The following PABPC3 variants were observed in gnomAD, a reference collection of about 807,000 sequenced individuals.
PABPC3 encodes the protein polyadenylate-binding protein 3.
In PABPC3, 43 loss-of-function variants were observed where a neutral mutation model predicts 43.0. The ratio of observed to expected loss-of-function variants is 1.00; its 90% CI spans 0.78 to 1.29. The LOEUF (loss-of-function observed/expected upper bound fraction) is 1.29, where lower values mean the gene tolerates loss of function less well. PABPC3 is among the 50% of genes most tolerant of loss of function. PABPC3 has a pLI of 0.00. For synonymous variants in PABPC3, 221 were observed against 274.6 expected (o/e 0.80, Z 1.93); for missense variants, 784 against 798.1 (o/e 0.98, Z 0.21).
the PABPC3 span, chr13:25,096,976 C>T: frequency 6.2e-7 from 1 of 1,614,264 alleles, no homozygotes. Flanking sequence ...CAATGGAAAA[C>T]AAATTTACGT....
At position 25,098,415 on chromosome 13, in the gene PABPC3, A is replaced by C. The variant is rs1956060925; in HGVS notation, c.*321A>C. 4.0e-6 allele frequency: 1 copy of C among 251,316 alleles called. No homozygotes were observed. Among genetic ancestry groups the C allele is most frequent in the East Asian group, 1.1e-4 (1 of 8,874 alleles). The allele number at this position is 251,316 out of a possible 1,614,324, so 15.6% of individuals were successfully genotyped here. A position where few individuals can be genotyped will look rare whatever the true frequency, so the allele number is the denominator to read the frequency against. On this transcript the variant is annotated 3_prime_UTR_variant, in exon 1 of 1. Transcript: ENST00000281589. ...AAAAGAATTTTCAGCAAAGTACAAA[A>C]ATTTAAAGCATTCCTTTAATTTTTT...
At position 25,096,383 on chromosome 13, in the gene PABPC3, C is replaced by G. The variant is rs374246080; in HGVS notation, c.185C>G (p.Thr62Arg). Residue 62 changes from threonine to arginine, a missense_variant, in exon 1 of 1, where the codon ACG (threonine) becomes AGG (arginine). Thr to Arg is a moderately conservative substitution (Grantham distance 71). Coordinates refer to ENST00000281589, the MANE Select transcript of PABPC3 (RefSeq NM_030979.3). ...SNYAYVNFQH[T>R]KDAEHALDTM... ...TACGCGTATGTGAACTTCCAGCATA[C>G]GAAGGACGCGGAGCATGCTCTGGAC... The G allele has an allele frequency of 2.4e-5, 39 of 1,614,056 alleles. No homozygotes were observed. The highest frequency in any genetic ancestry group is 4.0e-5 in the African/African-American group (3 of 74,914).
Position 25,096,242 on chromosome 13 carries a change from T to G in PABPC3, c.44T>G (p.Val15Gly). The G allele has an allele frequency of 6.2e-7, 1 of 1,614,106 alleles. No individual in the cohort carries two copies. Among genetic ancestry groups the G allele is most frequent in the Non-Finnish European group, 8.5e-7 (1 of 1,180,014 alleles). ...TPSYPTASLYVGDLHPDVTEA... is the reference protein window; with the variant it reads ...TPSYPTASLYGGDLHPDVTEA... ...AGCTACCCAACGGCCTCGCTCTACG[T>G]GGGGGACCTCCACCCCGACGTGACT... The change falls in exon 1 of 1, where the codon GTG becomes GGG. Residue 15 changes from valine (V) to glycine (G), a missense_variant. By Grantham distance (109) the Val-to-Gly change is moderately radical (BLOSUM62 -3). Coordinates refer to ENST00000281589, the MANE Select transcript of PABPC3 (RefSeq NM_030979.3).
rs76861216 is a variant in PABPC3, at chr13:25,096,781, A to C, written c.583A>C (p.Ile195Leu). 4.5e-5 allele frequency: 70 copies of C among 1,562,360 alleles called. No homozygotes were observed. Among genetic ancestry groups the C allele is most frequent in the Non-Finnish European group, 5.9e-5 (67 of 1,137,694 alleles). ...ARAKEFPNVY[I>L]KNFGEDMDDE... ...GGCAAAAGAGTTCCCCAATGTTTAC[A>C]TCAAGAATTTTGGAGAAGACATGGA... Residue 195 changes from isoleucine (I) to leucine (L), a missense_variant, in exon 1 of 1, where the codon ATC becomes CTC. Transcript: ENST00000281589.
the PABPC3 span, chr13:25,097,303 C>T: frequency 6.2e-7 from 1 of 1,614,154 alleles, no homozygotes; most frequent in Non-Finnish European, 8.5e-7. Context: ...AGCTTTAGCT[C>T]AGCGCAAAGA....
chr13:25,096,137 C>A lies in PABPC3; in HGVS notation c.-62C>A. On this transcript the variant is annotated 5_prime_UTR_variant, in exon 1 of 1. Coordinates refer to ENST00000281589, the MANE Select transcript of PABPC3 (RefSeq NM_030979.3). ...TCCGGCTACGCCCCCGGCCCCGGCA[C>A]GCGCTCTACTCCTGTAACGGAAAGG... The A allele has an allele frequency of 9.9e-6, 15 of 1,516,384 alleles. No individual in the cohort carries two copies. Among genetic ancestry groups the A allele is most frequent in the East Asian group, 2.3e-5 (1 of 44,054 alleles). The allele number at this position is 1,516,384 out of a possible 1,614,324, so 93.9% of individuals were successfully genotyped here.
chr13:25,096,669 A>G lies in PABPC3; in HGVS notation c.471A>G (p.Lys157=). 1 of 1,614,302 alleles carries G rather than the reference A, an allele frequency of 6.2e-7. No individual in the cohort carries two copies. The highest frequency in any genetic ancestry group is 8.5e-7 in the Non-Finnish European group (1 of 1,180,048). Residue 157 remains lysine, a synonymous_variant, in exon 1 of 1, where the codon AAA becomes AAG. Transcript: ENST00000281589. ...THEAAERAIK[K]MNGMLLNGRK... Reference sequence around the variant, plus strand: ...AAGCAGCTGAAAGAGCTATTAAAAAAATGAACGGAATGCTCCTAAATGGTC... The same window carrying G: ...AAGCAGCTGAAAGAGCTATTAAAAAGATGAACGGAATGCTCCTAAATGGTC...
In PABPC3 at chr13:25,097,628, C is replaced by T. The variant is rs141182228; in HGVS notation, c.1430C>T (p.Ala477Val). 6.2e-6 allele frequency: 10 copies of T among 1,613,936 alleles called. No individual in the cohort carries two copies. The African/African-American group carries it at 1.2e-4, about 19-fold the overall frequency. Residue 477 changes from alanine to valine, a missense_variant, in exon 1 of 1, where the codon GCT becomes GTT. By Grantham distance (64) the Ala-to-Val change is moderately conservative. Coordinates refer to ENST00000281589, the MANE Select transcript of PABPC3 (RefSeq NM_030979.3). Reference protein sequence around the residue: ...VPRVMSTQRVANTSTQTVGPR... With the variant: ...VPRVMSTQRVVNTSTQTVGPR... ...CGAGTCATGTCAACGCAGCGTGTTG[C>T]TAACACATCAACACAGACAGTGGGT... is the stretch of plus-strand genomic sequence containing the variant.
In PABPC3 at chr13:25,097,888, C is replaced by G; in HGVS notation, c.1690C>G (p.Leu564Val). 5 of 1,572,088 alleles carry G rather than the reference C, an allele frequency of 3.2e-6. No homozygotes were observed. The highest frequency in any genetic ancestry group is 2.3e-5 in the East Asian group (1 of 42,786). Reference sequence around the variant, plus strand: ...AATGTTAGGTGAACGGCTCTTTCCTCTTATTCAAGCCATGCACCCTACTCT... The same window carrying G: ...AATGTTAGGTGAACGGCTCTTTCCTGTTATTCAAGCCATGCACCCTACTCT... The part of the protein sequence containing the change: ...KQMLGERLFP[L>V]IQAMHPTLAG... The change falls in exon 1 of 1, where the codon CTT becomes GTT. Residue 564 changes from leucine (L) to valine (V), a missense_variant. By Grantham distance (32) the Leu-to-Val change is conservative (BLOSUM62 1). Transcript: ENST00000281589.
At position 25,097,795 on chromosome 13, in the gene PABPC3, C is replaced by G; in HGVS notation, c.1597C>G (p.His533Asp). The G allele has an allele frequency of 1.2e-6, 2 of 1,614,122 alleles. No individual in the cohort carries two copies. The highest frequency in any genetic ancestry group is 1.7e-6 in the Non-Finnish European group (2 of 1,179,980). Residue 533 changes from histidine to aspartate, a missense_variant, in exon 1 of 1, where the codon CAT becomes GAT. Transcript: ENST00000281589. ...AGTTACAATGCAACAGCTTGCTGTT[C>G]ATGTACAAGGTCAGGAAACTTTGAC... is the stretch of plus-strand genomic sequence containing the variant. ...PQVTMQQLAV[H>D]VQGQETLTAS...
chr13:25,096,469 C>T lies in PABPC3; in HGVS notation c.271C>T (p.Pro91Ser). 1 of 1,614,150 alleles carries T rather than the reference C, an allele frequency of 6.2e-7. No homozygotes were observed. Among genetic ancestry groups the T allele is most frequent in the Non-Finnish European group, 8.5e-7 (1 of 1,180,032 alleles). The change falls in exon 1 of 1, where the codon CCA (proline) becomes TCA (serine). Residue 91 changes from proline (P) to serine (S), a missense_variant. Pro to Ser is a moderately conservative substitution (Grantham distance 74). Transcript: ENST00000281589. ...ACGCATCATGTGGTCTCAGCGTGAT[C>T]CATCACTTCGAAAAAGTGGAGTGGG... ...PVRIMWSQRDPSLRKSGVGNI... is the reference protein window; with the variant it reads ...PVRIMWSQRDSSLRKSGVGNI...
chr13:25,096,913 G>A lies in PABPC3; in HGVS notation c.715G>A (p.Glu239Lys), dbSNP rs1471866794. 1.9e-6 allele frequency: 3 copies of A among 1,614,268 alleles called. No individual in the cohort carries two copies. The Admixed American group carries it at 5.0e-5, about 27-fold the overall frequency. ...KSKGFGFVSFERHEDAQKAVD... is the reference protein window; with the variant it reads ...KSKGFGFVSFKRHEDAQKAVD... ...CAAAGGATTTGGATTTGTAAGCTTT[G>A]AAAGGCATGAAGATGCACAGAAAGC... Residue 239 changes from glutamate (E) to lysine (K), a missense_variant, in exon 1 of 1, where the codon GAA becomes AAA. Coordinates refer to ENST00000281589, the MANE Select transcript of PABPC3 (RefSeq NM_030979.3).
chr13:25,096,156 G>T lies in PABPC3; in HGVS notation c.-43G>T, dbSNP rs372858375. On this transcript the variant is annotated 5_prime_UTR_variant, in exon 1 of 1. Coordinates refer to ENST00000281589, the MANE Select transcript of PABPC3 (RefSeq NM_030979.3). ...CCGGCACGCGCTCTACTCCTGTAAC[G>T]GAAAGGTCGCGGCTTGTGTGCCTGC... 5.7e-6 allele frequency: 9 copies of T among 1,578,658 alleles called. No individual in the cohort carries two copies. The highest frequency in any genetic ancestry group is 2.3e-5 in the South Asian group (2 of 85,658).
At position 25,097,564 on chromosome 13, in the gene PABPC3, C is replaced by A. The variant is rs1956050537; in HGVS notation, c.1366C>A (p.Pro456Thr). ...TATCCGCCCAGGTGCTCCTAGAGTACCATTTAGTACTATGAGACCAGCTTC... is the reference window on the plus strand; with the variant it reads ...TATCCGCCCAGGTGCTCCTAGAGTAACATTTAGTACTATGAGACCAGCTTC... Reference protein sequence around the residue: ...SAIRPGAPRVPFSTMRPASSQ... With the variant: ...SAIRPGAPRVTFSTMRPASSQ... The change falls in exon 1 of 1, where the codon CCA becomes ACA. Residue 456 changes from proline to threonine, a missense_variant. Pro to Thr is a conservative substitution (Grantham distance 38). Transcript: ENST00000281589. 6.2e-7 allele frequency: 1 copy of A among 1,614,108 alleles called. No individual in the cohort carries two copies. Among genetic ancestry groups the A allele is most frequent in the African/African-American group, 1.3e-5 (1 of 74,938 alleles).
chr13:25,096,727 A>G lies in PABPC3; in HGVS notation c.529A>G (p.Lys177Glu), dbSNP rs1956040390. Residue 177 changes from lysine to glutamate, a missense_variant, in exon 1 of 1, where the codon AAA becomes GAA. Coordinates refer to ENST00000281589, the MANE Select transcript of PABPC3 (RefSeq NM_030979.3). ...ATTTGTTGGACAATTTAAGTCTCGT[A>G]AAGAACGAGAAGCTGAACTTGGAGC... ...KVFVGQFKSR[K>E]EREAELGARA... 6.2e-7 allele frequency: 1 copy of G among 1,614,314 alleles called. No individual in the cohort carries two copies. The highest frequency in any genetic ancestry group is 8.5e-7 in the Non-Finnish European group (1 of 1,180,060).
In PABPC3 at chr13:25,097,214, G is replaced by A. The variant is rs58174040; in HGVS notation, c.1016G>A (p.Cys339Tyr). The change falls in exon 1 of 1, where the codon TGT (cysteine) becomes TAT (tyrosine). Residue 339 changes from cysteine (C) to tyrosine (Y), a missense_variant. By Grantham distance (194) the Cys-to-Tyr change is radical. Coordinates refer to ENST00000281589, the MANE Select transcript of PABPC3 (RefSeq NM_030979.3). ...GGRSKGFGFVCFSSPEEATKA... is the reference protein window; with the variant it reads ...GGRSKGFGFVYFSSPEEATKA... ...CGCAGCAAAGGGTTTGGTTTTGTAT[G>A]TTTCTCCTCCCCAGAAGAAGCCACT... 1,378 of 1,614,202 alleles carry A rather than the reference G, an allele frequency of 8.5e-4. 2 individuals are homozygous for A. In the African/African-American group the frequency reaches 0.017, roughly 20 times the overall value.
Position 25,097,012 on chromosome 13 carries a change from C to G in PABPC3, c.814C>G (p.Arg272Gly), listed in dbSNP as rs766373584. The G allele has an allele frequency of 1.1e-6, 1 of 943,518 alleles. No homozygotes were observed. Among genetic ancestry groups the G allele is most frequent in the Non-Finnish European group, 1.2e-6 (1 of 811,834 alleles). The allele number at this position is 943,518 out of a possible 1,614,324, so 58.4% of individuals were successfully genotyped here. The change falls in exon 1 of 1, where the codon CGG becomes GGG. Residue 272 changes from arginine to glycine, a missense_variant. Arg to Gly is a moderately radical substitution (Grantham distance 125). Transcript: ENST00000281589. ...TGGTCGAGCTCAGAAAAAAGTGGAA[C>G]GGCAGACGGAACTTAAGCGCACATT... ...YVGRAQKKVE[R>G]QTELKRTFEQ... is the part of the protein sequence containing the mutation.
chr13:25,096,241 GT>G, the PABPC3 span: 3 of 1,614,092 alleles, frequency 1.9e-6, no homozygotes, highest in South Asian at 3.3e-5. Context: ...CTCGCTCTAC[GT>G]GGGGGACCTC....
Position 25,097,947 on chromosome 13 carries a change from T to C in PABPC3, c.1749T>C (p.Ile583=), listed in dbSNP as rs1174326152. ...AAATCACTGGCATGTTGTTGGAGAT[T>C]GATAATTCAGAACTTCTTTATATGC... ...AGKITGMLLE[I]DNSELLYMLE... is the part of the protein sequence containing the mutation. Residue 583 remains isoleucine (I), a synonymous_variant, in exon 1 of 1, where the codon ATT becomes ATC. Transcript: ENST00000281589. 2 of 1,614,018 alleles carry C rather than the reference T, an allele frequency of 1.2e-6. No homozygotes were observed. Among genetic ancestry groups the C allele is most frequent in the East Asian group, 4.5e-5 (2 of 44,892 alleles).
Sources: gnomAD v4.1 joint callset for allele counts on GRCh38, gnomAD v4.1.1 for gene constraint, MANE v1.5 for transcripts, NCBI Gene and HGNC (gene_info 2026-07-23, HGNC 2026-07-21) for gene names.